RBFOX1: variants seen among roughly 807,000 people sequenced by gnomAD.
RBFOX1 encodes the protein RNA binding protein fox-1 homolog 1.
A neutral mutation model predicts 57.7 loss-of-function variants in RBFOX1; 8 were observed. That is an observed-to-expected ratio of 0.14 (90% CI 0.08 to 0.25). RBFOX1 has a LOEUF of 0.25. Ranked by LOEUF, RBFOX1 falls within the 10% of genes least tolerant of loss-of-function variation. The pLI is 1.00. For missense variants in RBFOX1, 611 were observed against 548.5 expected, an observed-to-expected ratio of 1.11 and a Z score of -1.14; for synonymous variants, 326 against 222.4, an observed-to-expected ratio of 1.47 and a Z score of -4.15.
At chr16:5,764,474 C>T (rs1045961219) in intron 3 of RBFOX1, among the ~76,000 whole-genome samples, 39 of 152,246 alleles carry the variant, frequency 2.6e-4, no homozygotes, top group Non-Finnish European at 4.9e-4. Flanking sequence ...TACCCCTTTT[C>T]TTTATAAATT....
At chr16:7,592,654 T>C (rs2094503456) in intron 7 of RBFOX1, among the ~76,000 whole-genome samples, 1 of 152,188 alleles carries the variant, frequency 6.6e-6, no homozygotes, top group Admixed American at 6.5e-5. Context: ...GGCATGGCTA[T>C]GGTTGCTAGG....
chr16:7,536,401 C>T (rs756029283), intron 5 of RBFOX1, among the ~76,000 whole-genome samples: 13 of 152,228 alleles, frequency 8.5e-5, no homozygotes, highest in Middle Eastern at 3.4e-3. Flanking sequence ...CAAGACCAGC[C>T]TGGCCAAAAT....
chr16:7,240,089 C>G (rs1165713430), intron 4 of RBFOX1, among the ~76,000 whole-genome samples: 2 of 152,128 alleles, frequency 1.3e-5, no homozygotes, highest in African/African-American at 2.4e-5. Context: ...GCCTCAGACT[C>G]TTGAGTAGCT....
At chr16:7,020,765 G>A (rs1597209489) in intron 3 of RBFOX1, among the ~76,000 whole-genome samples, 2 of 152,128 alleles carry the variant, frequency 1.3e-5, no homozygotes, top group East Asian at 1.9e-4. Flanking sequence ...TGAAATCCCT[G>A]CATTCCCACC....
chr16:6,007,478 T>G (rs767595137), intron 4 of RBFOX1, among the ~76,000 whole-genome samples: 1 of 152,124 alleles, frequency 6.6e-6, no homozygotes, highest in Non-Finnish European at 1.5e-5. Flanking sequence ...GCAGCCACAG[T>G]TGACATGTTG....
intron 2 of RBFOX1, among the ~76,000 whole-genome samples, chr16:6,602,785 G>C (rs2154009790): frequency 6.6e-6 from 1 of 152,188 alleles, no homozygotes; most frequent in African/African-American, 2.4e-5. Context: ...CTATCATTTA[G>C]CACCTGGAAA....
intron 4 of RBFOX1, among the ~76,000 whole-genome samples, chr16:7,059,742 T>G (rs2053653899): frequency 6.6e-6 from 1 of 152,216 alleles, no homozygotes; most frequent in African/African-American, 2.4e-5. Context: ...GGTACAAATT[T>G]ACCTTTCTCT....
intron 3 of RBFOX1, among the ~76,000 whole-genome samples, chr16:6,822,769 A>G (rs939119487): frequency 3.3e-5 from 5 of 152,164 alleles, no homozygotes; most frequent in African/African-American, 1.2e-4. Context: ...AGAAGAACCT[A>G]TGGGACAAGC....
At chr16:6,810,943 C>T (rs1033195900) in intron 3 of RBFOX1, among the ~76,000 whole-genome samples, 1 of 152,128 alleles carries the variant, frequency 6.6e-6, no homozygotes, top group African/African-American at 2.4e-5. Context: ...CGGTTGCTTC[C>T]AACCATACAC....
At chr16:7,006,720 T>C (rs8055933) in intron 3 of RBFOX1, among the ~76,000 whole-genome samples, 123,777 of 152,104 alleles carry the variant, frequency 0.81, 51,044 homozygotes, top group East Asian at 0.94. Context: ...TGTGCTGGGA[T>C]TACGGACATG....
At chr16:6,247,790 G>A (rs1010815176) in intron 1 of RBFOX1, among the ~76,000 whole-genome samples, 8 of 152,174 alleles carry the variant, frequency 5.3e-5, no homozygotes, top group Non-Finnish European at 8.8e-5. Context: ...GAGTGAGTGC[G>A]TGCGAGAGAC....
intron 3 of RBFOX1, among the ~76,000 whole-genome samples, chr16:6,940,740 G>T (rs112544330): frequency 6.7e-6 from 1 of 149,554 alleles, no homozygotes; most frequent in Admixed American, 6.7e-5. Flanking sequence ...TGGGACTACA[G>T]GCGCCCGCCA....
chr16:6,777,168 GT>G (rs1479277601), intron 3 of RBFOX1, among the ~76,000 whole-genome samples: 1 of 135,522 alleles, frequency 7.4e-6, no homozygotes, highest in East Asian at 2.0e-4. Context: ...TATTTCTAGG[GT>G]ATTTTCTGAG....
chr16:5,401,151 A>G (rs949721732), intron 1 of RBFOX1, among the ~76,000 whole-genome samples: 6 of 152,096 alleles, frequency 3.9e-5, no homozygotes, highest in Admixed American at 3.3e-4. Flanking sequence ...AGCCTTCTCT[A>G]TCTTAATATT....
intron 5 of RBFOX1, among the ~76,000 whole-genome samples, chr16:7,573,429 G>C (rs973061555): frequency 6.6e-6 from 1 of 152,026 alleles, no homozygotes; most frequent in African/African-American, 2.4e-5. Context: ...TTACTTTACT[G>C]ACTGCCCTCA....
At chr16:6,608,749 G>A (rs1013006875) in intron 2 of RBFOX1, among the ~76,000 whole-genome samples, 9 of 152,196 alleles carry the variant, frequency 5.9e-5, no homozygotes, top group Non-Finnish European at 1.2e-4. Context: ...TCTAACCTGT[G>A]CATCAGAGCA....
chr16:6,111,779 C>T (rs1211584785), intron 1 of RBFOX1, among the ~76,000 whole-genome samples: 1 of 152,060 alleles, frequency 6.6e-6, no homozygotes, highest in South Asian at 2.1e-4. Flanking sequence ...GTAGTGGGGT[C>T]AGAAATTCAG....
chr16:6,454,317 G>T (rs1005400239), intron 2 of RBFOX1, among the ~76,000 whole-genome samples: 17 of 152,182 alleles, frequency 1.1e-4, no homozygotes, highest in African/African-American at 3.9e-4. Flanking sequence ...AGCACTTTGG[G>T]AGGTCAAGGC....
chr16:7,458,417 T>C (rs1598910622), intron 4 of RBFOX1, among the ~76,000 whole-genome samples: 2 of 152,324 alleles, frequency 1.3e-5, no homozygotes, highest in Admixed American at 1.3e-4. Flanking sequence ...GTTCATGTTC[T>C]GAGAAAGAAA....
Sources: gnomAD v4.1 joint callset for allele counts (sites outside exome capture counted in the v4.1 genomes callset) on GRCh38, gnomAD v4.1.1 for gene constraint, MANE v1.5 for transcripts, NCBI Gene and HGNC (gene_info 2026-07-23, HGNC 2026-07-21) for gene names.